The following LRGUK variants were observed in gnomAD, a reference collection of about 807,000 sequenced individuals.
LRGUK encodes leucine rich repeats and guanylate kinase domain containing.
In LRGUK, 65 loss-of-function variants were observed where a neutral mutation model predicts 76.0. That is an observed-to-expected ratio of 0.85 (90% CI 0.70 to 1.05). The LOEUF is 1.05. Among genes scored for constraint, LRGUK ranks in the 50% least tolerant of loss-of-function variants. The pLI is 0.00. For missense variants in LRGUK, 758 were observed against 732.8 expected, an observed-to-expected ratio of 1.03 and a Z score of -0.40; for synonymous variants, 268 against 265.6, an observed-to-expected ratio of 1.01 and a Z score of -0.09.
At chr7:134,260,159 C>T (rs1411948171) in intron 19 of LRGUK, among the ~76,000 whole-genome samples, 2 of 151,570 alleles carry the variant, frequency 1.3e-5, no homozygotes, top group African/African-American at 2.4e-5. Context: ...TAATATCTGT[C>T]GTATAATAAT....
intron 15 of LRGUK, among the ~76,000 whole-genome samples, chr7:134,207,958 C>T (rs545598855): frequency 6.6e-6 from 1 of 152,296 alleles, no homozygotes; most frequent in South Asian, 2.1e-4. Context: ...ACTCTGAGAA[C>T]TTGCCATCAA....
intron 3 of LRGUK, chr7:134,141,690 T>C (rs980010904): frequency 6.6e-6 from 1 of 152,054 alleles, no homozygotes; most frequent in African/African-American, 2.4e-5. Context: ...TTCAGGAGAG[T>C]CTGGTGGTCC....
chr7:134,225,143 A>AC (rs1801708467), intron 16 of LRGUK, among the ~76,000 whole-genome samples: 1 of 150,906 alleles, frequency 6.6e-6, no homozygotes, highest in African/African-American at 2.4e-5. Context: ...AAAAAAAAAA[A>AC]AAAAAACCCA....
chr7:134,212,732 C>G (rs531058009), downstream of LRGUK, among the ~76,000 whole-genome samples: 1 of 152,140 alleles, frequency 6.6e-6, no homozygotes, highest in Non-Finnish European at 1.5e-5. Context: ...ACGCTATGTG[C>G]CAGACAGTGA....
At chr7:134,224,325 A>G (rs1801679200) in intron 16 of LRGUK, among the ~76,000 whole-genome samples, 1 of 152,240 alleles carries the variant, frequency 6.6e-6, no homozygotes, top group African/African-American at 2.4e-5. Flanking sequence ...ACTGATAGGC[A>G]GAAGCACATG....
intron 13 of LRGUK, among the ~76,000 whole-genome samples, 200 bp downstream of exon 13, chr7:134,197,305 G>A (rs996788846): frequency 3.9e-5 from 6 of 152,162 alleles, no homozygotes; most frequent in Non-Finnish European, 5.9e-5. Flanking sequence ...CACATTGCCA[G>A]GCACAAGATA....
chr7:134,190,742 T>C (rs946168139), intron 11 of LRGUK, among the ~76,000 whole-genome samples: 4 of 152,234 alleles, frequency 2.6e-5, no homozygotes, highest in African/African-American at 7.2e-5. Context: ...TTTTCATTCA[T>C]TTTACAAAAA....
At chr7:134,199,989 T>C (rs1800688949) in intron 14 of LRGUK, among the ~76,000 whole-genome samples, 4 of 85,292 alleles carry the variant, frequency 4.7e-5, no homozygotes, top group African/African-American at 1.6e-4. Context: ...CTTTTATATA[T>C]ATATATATAT....
At chr7:134,252,091 T>C (rs1339980961) in intron 18 of LRGUK, among the ~76,000 whole-genome samples, 1 of 151,732 alleles carries the variant, frequency 6.6e-6, no homozygotes, top group East Asian at 1.9e-4. Context: ...TCCAGTACTT[T>C]GGGAAGGCAA....
chr7:134,183,664 C>A, intron 10 of LRGUK, 70 bp from the exon 11 acceptor site: 1 of 1,580,410 alleles, frequency 6.3e-7, no homozygotes, highest in Non-Finnish European at 8.6e-7. Flanking sequence ...TAATGGTGGC[C>A]TAATGGATGT....
intron 11 of LRGUK, among the ~76,000 whole-genome samples, chr7:134,187,312 C>T (rs746451430): frequency 9.2e-5 from 14 of 152,226 alleles, no homozygotes; most frequent in East Asian, 1.9e-4. Flanking sequence ...AGAAAAAAGG[C>T]GTGCATAGAG....
At chr7:134,199,841 T>A (rs1408540026) in intron 14 of LRGUK, among the ~76,000 whole-genome samples, 1 of 150,920 alleles carries the variant, frequency 6.6e-6, no homozygotes, top group Non-Finnish European at 1.5e-5. Context: ...AAAATAAACA[T>A]TTTCAGAAAC....
chr7:134,185,492 C>T (rs991155519), intron 11 of LRGUK, among the ~76,000 whole-genome samples: 2 of 150,714 alleles, frequency 1.3e-5, no homozygotes, highest in Non-Finnish European at 2.9e-5. Flanking sequence ...TGTGCCATTG[C>T]ATTCCAGCCT....
intron 16 of LRGUK, among the ~76,000 whole-genome samples, chr7:134,226,218 ATGTGTGTGTGTGTG>A (rs57035440): frequency 5.2e-4 from 73 of 141,612 alleles, no homozygotes; most frequent in African/African-American, 5.7e-4. Context: ...CCCATCTCCA[ATGTGTGTGTGTGTG>A]TGTGTGTGTG....
At chr7:134,136,944 A>T in intron 1 of LRGUK, 79 bp from the exon 2 acceptor site, 1 of 1,190,274 alleles carries the variant, frequency 8.4e-7, no homozygotes, top group Non-Finnish European at 1.2e-6. Context: ...ATACTAAATA[A>T]GTGCTGGATA....
At chr7:134,216,647 G>A (rs1801443364) in intron 15 of LRGUK, among the ~76,000 whole-genome samples, 1 of 152,036 alleles carries the variant, frequency 6.6e-6, no homozygotes, top group Non-Finnish European at 1.5e-5. Context: ...TATATTCTGG[G>A]TTTCAGATTG....
At chr7:134,210,521 C>CCCGTCAATGGTGATCAGCCA (rs1449996152), downstream of LRGUK, among the ~76,000 whole-genome samples, 4 of 149,098 alleles carry the variant, frequency 2.7e-5, no homozygotes, top group African/African-American at 7.8e-5. Flanking sequence ...AAATAAAACT[C>CCCGTCAATGGTGATCAGCCA]CCGTCAATGG....
chr7:134,251,317 T>C (rs749749687), intron 18 of LRGUK, among the ~76,000 whole-genome samples: 12 of 151,904 alleles, frequency 7.9e-5, no homozygotes, highest in Non-Finnish European at 1.3e-4. Flanking sequence ...AAGACTCAGA[T>C]TGGGGTGATG....
intron 18 of LRGUK, among the ~76,000 whole-genome samples, chr7:134,253,021 C>T (rs1802485445): frequency 6.6e-6 from 1 of 152,174 alleles, no homozygotes; most frequent in South Asian, 2.1e-4. Flanking sequence ...ATTGCATCAG[C>T]CTTTCCTATT....
Sources: gnomAD v4.1 joint callset for allele counts (sites outside exome capture counted in the v4.1 genomes callset) on GRCh38, gnomAD v4.1.1 for gene constraint, MANE v1.5 for transcripts, NCBI Gene and HGNC (gene_info 2026-07-23, HGNC 2026-07-21) for gene names.